Variants in ENPP2 observed in about 807,000 individuals in gnomAD.
ENPP2 encodes autotaxin.
Under a neutral mutation model 120.2 loss-of-function variants are expected in ENPP2, and 51 were observed. That is an observed-to-expected ratio of 0.42 (90% CI 0.34 to 0.54). ENPP2 has a LOEUF of 0.54. ENPP2 is among the 20% of genes least tolerant of loss of function. The probability of loss-of-function intolerance (pLI) is 0.04; values close to 1 mark genes in which losing one functional copy is unlikely to be tolerated. For synonymous variants in ENPP2, 365 were observed against 366.4 expected (o/e 1.00, Z 0.04); for missense variants, 920 against 1,066.5 (o/e 0.86, Z 1.91).
At chr8:119,606,855 T>TA (rs57586646) in intron 9 of ENPP2, among the ~76,000 whole-genome samples, 1,799 of 141,786 alleles carry the variant, frequency 0.013, 12 homozygotes, top group African/African-American at 0.021. Flanking sequence ...TTAGGTGGTT[T>TA]AAAAAAAAAA....
At position 119,600,213 on chromosome 8, in the gene ENPP2, T is replaced by C. The variant is rs563470247; in HGVS notation, c.972+465A>G. ...ACTATAACTTATGCCAAGTTGATTG[T>C]ATTATATCTGCCAAGGTTATTGGAG... is the stretch of plus-strand genomic sequence containing the variant. On this transcript the variant is annotated intron_variant, in intron 11 of 24. Coordinates refer to ENST00000075322, the MANE Select transcript of ENPP2 (RefSeq NM_001040092.3). 2.6e-5 allele frequency among the ~76,000 whole-genome samples: 4 copies of C among 152,278 alleles called. No homozygotes were observed. The East Asian group carries it at 7.7e-4, about 29-fold the overall frequency.
At chr8:119,584,528 T>A (rs1812974486) in intron 15 of ENPP2, among the ~76,000 whole-genome samples, 1 of 152,196 alleles carries the variant, frequency 6.6e-6, no homozygotes, top group African/African-American at 2.4e-5. Context: ...AAATTTGCGA[T>A]GTTTAAACAA....
chr8:119,655,111 G>A (rs1372143738), intron 1 of ENPP2, among the ~76,000 whole-genome samples: 2 of 152,272 alleles, frequency 1.3e-5, no homozygotes, highest in East Asian at 3.9e-4. Flanking sequence ...CACTTGTCAA[G>A]GGTAAGCTAA....
rs1813765821 is a variant in ENPP2, at chr8:119,559,757, A to G, written c.2422-2066T>C. On this transcript the variant is annotated intron_variant, in intron 24 of 24. Coordinates refer to ENST00000075322, the MANE Select transcript of ENPP2 (RefSeq NM_001040092.3). ...ATTAATGCAAACAAAAGCACAATCC[A>G]TGAACTTGCTTGCTGTCTTCCTCAT... Among the ~76,000 whole-genome samples the G allele has an allele frequency of 4.6e-5, 7 of 152,248 alleles. No homozygotes were observed. The South Asian group carries it at 1.4e-3, about 31-fold the overall frequency.
intron 19 of ENPP2, among the ~76,000 whole-genome samples, chr8:119,572,435 A>T (rs1587353572): frequency 6.6e-6 from 1 of 152,120 alleles, no homozygotes; most frequent in African/African-American, 2.4e-5. Context: ...GCAACCACCA[A>T]ACAAAAATCT....
chr8:119,610,438 T>TA (rs1387210850), intron 8 of ENPP2, among the ~76,000 whole-genome samples: 3 of 149,422 alleles, frequency 2.0e-5, no homozygotes, highest in African/African-American at 7.4e-5. Flanking sequence ...AAAAAGGCAC[T>TA]AAAATATTGG....
At chr8:119,611,610 T>A (rs921432689) in intron 8 of ENPP2, among the ~76,000 whole-genome samples, 3 of 152,068 alleles carry the variant, frequency 2.0e-5, no homozygotes, top group Non-Finnish European at 4.4e-5. Context: ...AAAGAACAGT[T>A]CCATCCGAAA....
At chr8:119,631,204 CTTTTTTTTTTTT>C (rs60092023) in intron 2 of ENPP2, among the ~76,000 whole-genome samples, 2 of 61,746 alleles carry the variant, frequency 3.2e-5, no homozygotes, top group East Asian at 4.6e-4. Context: ...ATGCTGCTAT[CTTTTTTTTTTTT>C]TTTTTTTTTT....
At chr8:119,670,621 G>A (rs916146810) in intron 1 of ENPP2, among the ~76,000 whole-genome samples, 1 of 152,180 alleles carries the variant, frequency 6.6e-6, no homozygotes, top group African/African-American at 2.4e-5. Context: ...GAACAAGAGA[G>A]GGCCACCTAA....
At chr8:119,669,295 C>T (rs550470699) in intron 1 of ENPP2, among the ~76,000 whole-genome samples, 65 of 152,324 alleles carry the variant, frequency 4.3e-4, no homozygotes, top group African/African-American at 1.5e-3. Flanking sequence ...GAAATCTGTG[C>T]CTTCCTGAAA....
chr8:119,629,805 A>G (rs1816533334), intron 2 of ENPP2, among the ~76,000 whole-genome samples: 1 of 152,190 alleles, frequency 6.6e-6, no homozygotes, highest in African/African-American at 2.4e-5. Context: ...AAAAAAAATT[A>G]CAAAACAGAA....
chr8:119,617,787 A>G (rs1322074258), intron 5 of ENPP2, among the ~76,000 whole-genome samples: 1 of 152,100 alleles, frequency 6.6e-6, no homozygotes, highest in African/African-American at 2.4e-5. Flanking sequence ...CATCTCTACT[A>G]CAAATACAAA....
At chr8:119,578,923 T>C (rs1812534876) in intron 19 of ENPP2, among the ~76,000 whole-genome samples, 1 of 152,232 alleles carries the variant, frequency 6.6e-6, no homozygotes, top group Non-Finnish European at 1.5e-5. Flanking sequence ...TCCTCAACTC[T>C]ACTTAATCAG....
chr8:119,639,720 A>C (rs1817209780), upstream of ENPP2, among the ~76,000 whole-genome samples: 1 of 152,156 alleles, frequency 6.6e-6, no homozygotes, highest in Non-Finnish European at 1.5e-5. Flanking sequence ...CAAGAATTGA[A>C]ATGTCAAGAA....
intron 1 of ENPP2, among the ~76,000 whole-genome samples, chr8:119,669,573 C>T (rs977337959): frequency 6.6e-6 from 1 of 152,210 alleles, no homozygotes; most frequent in African/African-American, 2.4e-5. Context: ...GCTGGCTCCA[C>T]TATTCGCCAC....
intron 19 of ENPP2, among the ~76,000 whole-genome samples, chr8:119,575,357 G>C (rs1464213123): frequency 1.3e-5 from 2 of 151,858 alleles, no homozygotes; most frequent in Middle Eastern, 3.2e-3. Context: ...ACTACTTCCC[G>C]GCAGGAACTC....
chr8:119,559,911 A>G (rs1446454592), intron 24 of ENPP2, among the ~76,000 whole-genome samples: 1 of 152,202 alleles, frequency 6.6e-6, no homozygotes, highest in African/African-American at 2.4e-5. Context: ...TGACCCTTCA[A>G]CGAGAAGCAT....
chr8:119,593,963 G>A lies in ENPP2; in HGVS notation c.973-103C>T, dbSNP rs191162211. On this transcript the variant is annotated intron_variant, in intron 11 of 24. Coordinates refer to ENST00000075322, the MANE Select transcript of ENPP2 (RefSeq NM_001040092.3). Reference sequence around the variant, plus strand: ...AGAACATTTTGGAAAGAAAACTTCCGGCCCAGAGGCAGAGCTTTGTCTGGG... The same window carrying A: ...AGAACATTTTGGAAAGAAAACTTCCAGCCCAGAGGCAGAGCTTTGTCTGGG... 1,387 of 742,936 alleles carry A rather than the reference G, an allele frequency of 1.9e-3. 8 individuals are homozygous for A. Among genetic ancestry groups the A allele is most frequent in the Middle Eastern group, 5.1e-3 (21 of 4,148 alleles). 46.0% of individuals were successfully genotyped at this position (742,936 alleles called of 1,614,324 possible). A position where few individuals can be genotyped will look rare whatever the true frequency, so the allele number is the denominator to read the frequency against.
intron 11 of ENPP2, among the ~76,000 whole-genome samples, chr8:119,600,157 C>G (rs1377835173): frequency 6.6e-6 from 1 of 152,002 alleles, no homozygotes; most frequent in Non-Finnish European, 1.5e-5. Context: ...TATACCTATG[C>G]CAAAATGTAT....
Sources: allele counts gnomAD v4.1 joint callset (sites outside exome capture counted in the v4.1 genomes callset), GRCh38; gene constraint gnomAD v4.1.1; transcripts MANE v1.5; gene names NCBI Gene and HGNC (gene_info 2026-07-23, HGNC 2026-07-21).